MATN4: variants seen among roughly 807,000 people sequenced by gnomAD.
MATN4 encodes the protein matrilin-4.
MATN4 carries 40 observed loss-of-function variants against 54.6 expected under a neutral mutation model. The observed-to-expected ratio is 0.73, with a 90% CI of 0.57 to 0.95. The LOEUF (loss-of-function observed/expected upper bound fraction) is 0.95, where lower values mean the gene tolerates loss of function less well. Among genes scored for constraint, MATN4 ranks in the 40% least tolerant of loss-of-function variants. The probability of loss-of-function intolerance (pLI) is 0.00; values close to 1 mark genes in which losing one functional copy is unlikely to be tolerated. For missense variants in MATN4, 810 were observed against 819.1 expected (o/e 0.99, Z 0.13); for synonymous variants, 351 against 345.3 (o/e 1.02, Z -0.18).
chr20:45,302,455 C>T (rs575788153), intron 3 of MATN4, among the ~76,000 whole-genome samples: 9 of 152,132 alleles, frequency 5.9e-5, no homozygotes, highest in Non-Finnish European at 1.3e-4. Context: ...ATTGAATAAG[C>T]GAGGTATTCT....
Position 45,300,878 on chromosome 20 carries a change from A to C in MATN4, c.1012+9T>G. On this transcript the variant is annotated intron_variant, in intron 6 of 9. Transcript: ENST00000372756. ...AAGCCAACAGAACACCCTCCCGCCC[A>C]TCACTCACGGTTGCAGCTCTTGCCA... is the stretch of plus-strand genomic sequence containing the variant. The C allele has an allele frequency of 6.2e-7, 1 of 1,612,172 alleles. No individual in the cohort carries two copies. The highest frequency in any genetic ancestry group is 2.2e-5 in the East Asian group (1 of 44,882).
In MATN4 at chr20:45,298,285, G is replaced by A. The variant is rs774688188; in HGVS notation, c.1311C>T (p.Ser437=). The change falls in exon 7 of 10, where the codon TCC becomes TCT. Residue 437 remains serine, a synonymous_variant. Coordinates refer to ENST00000372756, the MANE Select transcript of MATN4 (RefSeq NM_001393530.1). The surrounding 1 kb of genome is among the most constrained non-coding windows in gnomAD (Gnocchi z 4.6). ...CACGGGGCCGTGCACCCTGCGCCTC[G>A]GAGAAGCTGTGCTCCACCATGTGCC... The part of the protein sequence containing the change: ...ALRHMVEHSF[S]EAQGARPRAL... 7.7e-5 allele frequency: 124 copies of A among 1,613,276 alleles called. No individual in the cohort carries two copies. Among genetic ancestry groups the A allele is most frequent in the Non-Finnish European group, 1.0e-4 (119 of 1,179,896 alleles).
chr20:45,301,044 G>C, intron 5 of MATN4, 35 bp from the exon 6 acceptor site: 3 of 1,614,052 alleles, frequency 1.9e-6, no homozygotes, highest in Non-Finnish European at 2.5e-6. Context: ...GAGTCAGGAT[G>C]GACCCCACCA....
Position 45,304,441 on chromosome 20 carries a change from T to C in MATN4, c.430A>G (p.Ile144Val), listed in dbSNP as rs749781646. The C allele has an allele frequency of 9.7e-6, 15 of 1,550,570 alleles. No individual in the cohort carries two copies. Among genetic ancestry groups the C allele is most frequent in the Admixed American group, 3.7e-5 (2 of 53,506 alleles). ...TCCTGGGGCCGCCCGTCTGTCACGA[T>C]GACAGCGACACGCGGCACGCGCTCC... ...PEERVPRVAV[I>V]VTDGRPQDRV... The change falls in exon 3 of 10, where the codon ATC becomes GTC. Residue 144 changes from isoleucine (I) to valine (V), a missense_variant. Ile to Val is a conservative substitution (Grantham distance 29). Transcript: ENST00000372756.
Position 45,293,993 on chromosome 20 carries a change from T to A in MATN4, c.1602A>T (p.Thr534=), listed in dbSNP as rs773351863. 6.2e-6 allele frequency: 10 copies of A among 1,602,526 alleles called. No homozygotes were observed. The highest frequency in any genetic ancestry group is 1.6e-4 in the Middle Eastern group (1 of 6,076). ...CGCATTCGCATGGGCTCCGAAGCTC[T>A]GTCCCTGCGCTGATGCCCTCCTCTG... is the stretch of plus-strand genomic sequence containing the variant. The part of the protein sequence containing the change: ...ICPEEGISAG[T]ELRSPCECES... The change falls in exon 9 of 10, where the codon ACA becomes ACT. Residue 534 remains threonine (T), a synonymous_variant. Transcript: ENST00000372756.
chr20:45,300,450 CT>C (rs755254585), intron 6 of MATN4, among the ~76,000 whole-genome samples: 7 of 151,406 alleles, frequency 4.6e-5, no homozygotes, highest in Non-Finnish European at 7.4e-5. Flanking sequence ...TCACACAGAA[CT>C]AAAATTTCAG....
chr20:45,295,195 C>T (rs377353126), intron 8 of MATN4, among the ~76,000 whole-genome samples: 11 of 152,130 alleles, frequency 7.2e-5, no homozygotes, highest in African/African-American at 1.9e-4. Context: ...TATTGTCTTC[C>T]GTAAAACCAC....
intron 6 of MATN4, among the ~76,000 whole-genome samples, chr20:45,299,778 T>C (rs1272831244): frequency 6.7e-6 from 1 of 148,184 alleles, no homozygotes; most frequent in Non-Finnish European, 1.5e-5. Flanking sequence ...CTCCAGAGGC[T>C]GTAACAGGAG....
In MATN4 at chr20:45,293,972, T is replaced by C. The variant is rs746910393; in HGVS notation, c.1623A>G (p.Glu541=). ...CCTGGAACTCCACGAGGCTTTCGCA[T>C]TCGCATGGGCTCCGAAGCTCTGTCC... ...SAGTELRSPC[E]CESLVEFQGR... The change falls in exon 9 of 10, where the codon GAA becomes GAG. Residue 541 remains glutamate (E), a synonymous_variant. Coordinates refer to ENST00000372756, the MANE Select transcript of MATN4 (RefSeq NM_001393530.1). The C allele has an allele frequency of 1.2e-6, 2 of 1,603,776 alleles. No homozygotes were observed. The highest frequency in any genetic ancestry group is 4.5e-5 in the East Asian group (2 of 44,830).
intron 1 of MATN4, among the ~76,000 whole-genome samples, chr20:45,306,163 GA>G (rs1208025741): frequency 6.6e-6 from 1 of 151,936 alleles, no homozygotes; most frequent in African/African-American, 2.4e-5. Flanking sequence ...AATTTAAACA[GA>G]AAAAAACAGG....
intron 6 of MATN4, 142 bp downstream of exon 6, chr20:45,300,745 C>T: frequency 2.1e-6 from 2 of 966,976 alleles, no homozygotes; most frequent in South Asian, 1.6e-5. Context: ...GAGGGAATGG[C>T]ACACCCTCCA....
At chr20:45,308,484 G>C (rs573485232), upstream of MATN4, 18 of 554,990 alleles carry the variant, frequency 3.2e-5, 1 homozygote, top group African/African-American at 2.1e-4. Flanking sequence ...GGCCAGGCTG[G>C]AATTCAGCTA....
At chr20:45,303,396 G>A in intron 3 of MATN4, 1 of 716,392 alleles carries the variant, frequency 1.4e-6, no homozygotes. Context: ...CATCCAAACA[G>A]CTCTTGTTAT....
chr20:45,299,965 G>T (rs1031842996), intron 6 of MATN4, among the ~76,000 whole-genome samples: 1 of 75,374 alleles, frequency 1.3e-5, no homozygotes, highest in Non-Finnish European at 3.0e-5. Context: ...GTGTGTGTGG[G>T]TGTGTGTGTG....
intron 6 of MATN4, among the ~76,000 whole-genome samples, chr20:45,300,562 T>A (rs1404327056): frequency 1.3e-5 from 2 of 152,200 alleles, no homozygotes; most frequent in African/African-American, 4.8e-5. Flanking sequence ...TCATTATTCA[T>A]TAATGTGGTT....
In MATN4 at chr20:45,307,648, G is replaced by A. The variant is rs757073435; in HGVS notation, c.-35+527C>T. Among the ~76,000 whole-genome samples, 14 of 152,134 alleles carry A rather than the reference G, an allele frequency of 9.2e-5. 1 individual carries two copies. The highest frequency in any genetic ancestry group is 6.5e-4 in the Admixed American group (10 of 15,276). ...TTGGTCTGAGCCAACTTCTCACCTG[G>A]CACCCTGCCTCCACCCCAGGAATCC... On this transcript the variant is annotated intron_variant, in intron 1 of 9. Transcript: ENST00000372756.
At chr20:45,294,871 C>T (rs1160772902) in intron 8 of MATN4, among the ~76,000 whole-genome samples, 5 of 152,180 alleles carry the variant, frequency 3.3e-5, no homozygotes, top group Non-Finnish European at 7.3e-5. Flanking sequence ...AGCTCCTTTC[C>T]TGTCAGATCA....
In MATN4 at chr20:45,304,115, C is replaced by G. The variant is rs117251764; in HGVS notation, c.643+113G>C. On this transcript the variant is annotated intron_variant, in intron 3 of 9. Transcript: ENST00000372756. ...CAGCCTGCGGTAGGTCAGGGCAACT[C>G]TACCTGGAAATCGCGGGGCCACCCC... is the stretch of plus-strand genomic sequence containing the variant. 1.0e-4 allele frequency: 94 copies of G among 942,634 alleles called. No individual in the cohort carries two copies. In the East Asian group the frequency reaches 2.6e-3, roughly 27 times the overall value. 58.4% of individuals were successfully genotyped at this position (942,634 alleles called of 1,614,324 possible).
At position 45,297,998 on chromosome 20, in the gene MATN4, G is replaced by C; in HGVS notation, c.1499C>G (p.Ala500Gly). 1 of 1,614,086 alleles carries C rather than the reference G, an allele frequency of 6.2e-7. No individual in the cohort carries two copies. The highest frequency in any genetic ancestry group is 8.5e-7 in the Non-Finnish European group (1 of 1,180,014). Reference protein sequence around the residue: ...AELREIASEPAELHVSYAPDF... With the variant: ...AELREIASEPGELHVSYAPDF... Reference sequence around the variant, plus strand: ...CGGGGCATAGGACACGTGCAGTTCCGCTGGCTCCGAGGCGATCTCGCGCAG... The same window carrying C: ...CGGGGCATAGGACACGTGCAGTTCCCCTGGCTCCGAGGCGATCTCGCGCAG... The change falls in exon 8 of 10, where the codon GCG (alanine) becomes GGG (glycine). Residue 500 changes from alanine to glycine, a missense_variant. Physicochemically the swap from Ala to Gly is moderately conservative, Grantham distance 60. Transcript: ENST00000372756.
Sources: gnomAD v4.1 joint callset for allele counts (sites outside exome capture counted in the v4.1 genomes callset) on GRCh38, gnomAD v4.1.1 for gene constraint, Gnocchi (gnomAD v3.1) non-coding constraint, MANE v1.5 for transcripts, NCBI Gene and HGNC (gene_info 2026-07-23, HGNC 2026-07-21) for gene names.